Variants in FRMD4B observed in about 807,000 individuals in gnomAD.
FRMD4B encodes FERM domain containing 4B, also known as FERM domain-containing protein 4B.
Under a neutral mutation model 141.5 loss-of-function variants are expected in FRMD4B, and 74 were observed. The observed-to-expected ratio is 0.52, with a 90% confidence interval of 0.43 to 0.63. The LOEUF is 0.63. Among genes scored for constraint, FRMD4B ranks in the 30% least tolerant of loss-of-function variants. The pLI is 0.00. For missense variants in FRMD4B, 1,366 were observed against 1,253.4 expected, an observed-to-expected ratio of 1.09 and a Z score of -1.36; for synonymous variants, 506 against 467.9, an observed-to-expected ratio of 1.08 and a Z score of -1.05.
At chr3:69,288,586 A>G (rs190812379) in intron 4 of FRMD4B, among the ~76,000 whole-genome samples, 31 of 152,332 alleles carry the variant, frequency 2.0e-4, no homozygotes, top group Admixed American at 1.6e-3. Flanking sequence ...TGAGTCTTTA[A>G]CAACTCTGTT....
chr3:69,401,621 T>C (rs112006424), intron 2 of FRMD4B, among the ~76,000 whole-genome samples: 5,458 of 152,192 alleles, frequency 0.036, 333 homozygotes, highest in African/African-American at 0.12. Flanking sequence ...GCCACCACTG[T>C]TCACTACAGC....
intron 11 of FRMD4B, among the ~76,000 whole-genome samples, chr3:69,214,033 G>C (rs954657680): frequency 6.6e-6 from 1 of 152,036 alleles, no homozygotes; most frequent in Non-Finnish European, 1.5e-5. Flanking sequence ...ATCCAGGAAA[G>C]CTGGATCAGT....
intron 11 of FRMD4B, chr3:69,200,449 A>AG (rs1259334585): frequency 1.0e-6 from 1 of 993,814 alleles, no homozygotes; most frequent in Non-Finnish European, 1.2e-6. Context: ...CAGAAATGTG[A>AG]GGAAAAACCT....
Position 69,249,101 on chromosome 3 carries a change from T to A in FRMD4B, c.581+125A>T. On this transcript the variant is annotated intron_variant, in intron 7 of 22. Transcript: ENST00000398540. ...GGTCTCTATTTGAAGAGCGAAGAGA[T>A]CTCAGTCTCCTGCCTTACAGATCTA... is the stretch of plus-strand genomic sequence containing the variant. 6.4e-6 allele frequency: 4 copies of A among 626,112 alleles called. 1 individual carries two copies. In the South Asian group the frequency reaches 7.4e-5, roughly 12 times the overall value. The allele number at this position is 626,112 out of a possible 1,614,324, so 38.8% of individuals were successfully genotyped here. A position where few individuals can be genotyped will look rare whatever the true frequency, so the allele number is the denominator to read the frequency against.
chr3:69,400,314 G>A (rs1704541447), intron 2 of FRMD4B, among the ~76,000 whole-genome samples: 1 of 151,974 alleles, frequency 6.6e-6, no homozygotes, highest in African/African-American at 2.4e-5. Context: ...GTTTGAAGAT[G>A]CGGTGAGCTA....
chr3:69,346,635 G>C (rs113936093), intron 1 of FRMD4B, among the ~76,000 whole-genome samples: 20,186 of 152,084 alleles, frequency 0.13, 1,450 homozygotes, highest in South Asian at 0.18. Context: ...GGGATCTCTC[G>C]GCAGAAACTC....
At chr3:69,399,701 C>T (rs1458792290) in intron 2 of FRMD4B, among the ~76,000 whole-genome samples, 1 of 152,182 alleles carries the variant, frequency 6.6e-6, no homozygotes, top group Non-Finnish European at 1.5e-5. Flanking sequence ...ATCCAGTGAA[C>T]TCCCATTTAT....
At chr3:69,402,216 G>C (rs558049084) in intron 2 of FRMD4B, among the ~76,000 whole-genome samples, 117 of 152,294 alleles carry the variant, frequency 7.7e-4, no homozygotes, top group Non-Finnish European at 1.6e-3. Context: ...GATCAGCTTT[G>C]CCCATTAAGA....
intron 1 of FRMD4B, among the ~76,000 whole-genome samples, chr3:69,454,576 C>A (rs1011639663): frequency 6.6e-6 from 1 of 152,218 alleles, no homozygotes; most frequent in African/African-American, 2.4e-5. Context: ...GGGCTTAGCA[C>A]CCAGGCCAGC....
chr3:69,512,018 C>T (rs1706697812), intron 1 of FRMD4B, among the ~76,000 whole-genome samples: 1 of 152,156 alleles, frequency 6.6e-6, no homozygotes, highest in African/African-American at 2.4e-5. Context: ...GAACATTCCA[C>T]ATACAGAAAT....
At position 69,196,411 on chromosome 3, in the gene FRMD4B, A is replaced by G. The variant is rs760921298; in HGVS notation, c.1093-15T>C. The G allele has an allele frequency of 6.3e-7, 1 of 1,590,340 alleles. No individual in the cohort carries two copies. The highest frequency in any genetic ancestry group is 1.1e-5 in the South Asian group (1 of 88,008). ...GGAATTTTTGCCTAAGAGGCATACA[A>G]CAATGAAACAGAATTAACTCAAACA... On this transcript the variant is annotated splice_polypyrimidine_tract_variant and intron_variant, in intron 13 of 22. Coordinates refer to ENST00000398540, the MANE Select transcript of FRMD4B (RefSeq NM_015123.3).
At chr3:69,493,210 A>G (rs1296287667) in intron 1 of FRMD4B, among the ~76,000 whole-genome samples, 1 of 152,220 alleles carries the variant, frequency 6.6e-6, no homozygotes, top group East Asian at 1.9e-4. Flanking sequence ...AAACTTGTCA[A>G]TTTATCAAAT....
rs147729528 is a variant in FRMD4B at position 69,455,344 on chromosome 3, T to C, written c.-128-22583A>G. On this transcript the variant is annotated intron_variant, in intron 1 of 5. Coordinates refer to the FRMD4B transcript ENST00000459638. ...CTTTGCAATAAATTTTTGCAGTTGC[T>C]TGTTATTTGGGTCTGCACTGCCTTT... Among the ~76,000 whole-genome samples the C allele has an allele frequency of 8.8e-3, 1,340 of 152,338 alleles. 15 individuals are homozygous for C. The highest frequency in any genetic ancestry group is 0.011 in the Non-Finnish European group (716 of 68,024).
At chr3:69,440,772 C>T (rs1005702409) in intron 1 of FRMD4B, among the ~76,000 whole-genome samples, 1 of 152,134 alleles carries the variant, frequency 6.6e-6, no homozygotes. Context: ...CATGCCATTG[C>T]ACTCCAGCCT....
chr3:69,229,317 T>C (rs1399259413), intron 7 of FRMD4B, among the ~76,000 whole-genome samples: 1 of 152,130 alleles, frequency 6.6e-6, no homozygotes, highest in Non-Finnish European at 1.5e-5. Flanking sequence ...TGAGCCACCA[T>C]GGCCAGCCCC....
chr3:69,477,184 A>T (rs923406317), intron 1 of FRMD4B, among the ~76,000 whole-genome samples: 15 of 152,122 alleles, frequency 9.9e-5, no homozygotes, highest in African/African-American at 3.4e-4. Context: ...TTCCTAATTG[A>T]ATACCCTTTA....
At chr3:69,453,980 A>G (rs964356825) in intron 1 of FRMD4B, among the ~76,000 whole-genome samples, 1 of 152,186 alleles carries the variant, frequency 6.6e-6, no homozygotes, top group Admixed American at 6.5e-5. Context: ...ACTGGGACCC[A>G]AGCTGGATCA....
chr3:69,222,071 G>T, intron 8 of FRMD4B, 148 bp from the exon 9 acceptor site: 1 of 619,476 alleles, frequency 1.6e-6, no homozygotes, highest in Non-Finnish European at 2.9e-6. Flanking sequence ...TTTTGTTTCT[G>T]TAGGAGATGG....
intron 1 of FRMD4B, among the ~76,000 whole-genome samples, chr3:69,373,736 G>A (rs927363159): frequency 7.9e-5 from 12 of 152,222 alleles, no homozygotes; most frequent in African/African-American, 2.6e-4. Flanking sequence ...ATTGCTGGGT[G>A]TGGTGGCGCG....
Sources: gnomAD v4.1 joint callset for allele counts (sites outside exome capture counted in the v4.1 genomes callset) on GRCh38, gnomAD v4.1.1 for gene constraint, MANE v1.5 for transcripts, NCBI Gene and HGNC (gene_info 2026-07-23, HGNC 2026-07-21) for gene names.